SCARA3: variants seen among roughly 807,000 people sequenced by gnomAD.
The protein encoded by SCARA3 is cellular stress response gene protein.
A neutral mutation model predicts 47.0 loss-of-function variants in SCARA3; 39 were observed. The observed-to-expected ratio is 0.83, with a 90% CI of 0.64 to 1.08. The LOEUF (loss-of-function observed/expected upper bound fraction) is 1.08. Among genes scored for constraint, SCARA3 ranks in the 50% least tolerant of loss-of-function variants. The probability of loss-of-function intolerance (pLI) is 0.00; values close to 1 mark genes in which losing one functional copy is unlikely to be tolerated. For missense variants in SCARA3, 724 were observed against 792.3 expected (o/e 0.91, Z 1.04); for synonymous variants, 356 against 334.1 (o/e 1.07, Z -0.71).
At chr8:27,660,310 GAT>G (rs1801868034) in intron 5 of SCARA3, among the ~76,000 whole-genome samples, 1 of 151,890 alleles carries the variant, frequency 6.6e-6, no homozygotes, top group Admixed American at 6.6e-5. Context: ...TATATAGAGA[GAT>G]AGACCCAGAG....
At chr8:27,709,387 G>A in the SCARA3 span, among the ~76,000 whole-genome samples, 2 of 152,168 alleles carry the variant, frequency 1.3e-5, no homozygotes, top group Non-Finnish European at 2.9e-5. Context: ...GAAGGCCCTG[G>A]CCTTCTGCCC....
the SCARA3 span, among the ~76,000 whole-genome samples, chr8:27,709,421 T>A: frequency 2.6e-5 from 4 of 152,172 alleles, no homozygotes; most frequent in Non-Finnish European, 1.5e-5. Flanking sequence ...CTCCACACAC[T>A]CACCTGGGTT....
chr8:27,717,637 TAGTC>T, the SCARA3 span, among the ~76,000 whole-genome samples: 1 of 151,876 alleles, frequency 6.6e-6, no homozygotes, highest in Non-Finnish European at 1.5e-5. Flanking sequence ...ATACAAAAAT[TAGTC>T]AGGTGTGGTG....
At chr8:27,722,897 C>T in the SCARA3 span, among the ~76,000 whole-genome samples, 3 of 152,140 alleles carry the variant, frequency 2.0e-5, no homozygotes, top group Non-Finnish European at 4.4e-5. Context: ...GGCACCAGGT[C>T]CACTTGTCCC....
At chr8:27,687,440 A>G in the SCARA3 span, among the ~76,000 whole-genome samples, 1 of 152,202 alleles carries the variant, frequency 6.6e-6, no homozygotes, top group African/African-American at 2.4e-5. Context: ...AGAGGGAATG[A>G]TAAAAATAGA....
the SCARA3 span, among the ~76,000 whole-genome samples, chr8:27,688,569 G>C: frequency 6.6e-6 from 1 of 152,064 alleles, no homozygotes; most frequent in Admixed American, 6.5e-5. Context: ...GGTGGCACGT[G>C]CCTATAGTCC....
intron 1 of SCARA3, among the ~76,000 whole-genome samples, chr8:27,638,830 G>A (rs1563399209): frequency 1.3e-5 from 2 of 152,194 alleles, no homozygotes; most frequent in African/African-American, 2.4e-5. Flanking sequence ...AGTTCCCAGC[G>A]AGAGAGTTTG....
chr8:27,732,051 C>A, the SCARA3 span, among the ~76,000 whole-genome samples: 8 of 152,218 alleles, frequency 5.3e-5, no homozygotes, highest in African/African-American at 1.9e-4. Flanking sequence ...AAATGTTAGC[C>A]TTGTCTATGG....
chr8:27,673,534 GT>G (rs1291458084), downstream of SCARA3, among the ~76,000 whole-genome samples: 1 of 152,274 alleles, frequency 6.6e-6, no homozygotes. Context: ...TGTTTTTTGG[GT>G]TTTTTTGGAG....
At chr8:27,656,913 G>C in intron 4 of SCARA3, 33 bp downstream of exon 4, 1 of 1,378,420 alleles carries the variant, frequency 7.3e-7, no homozygotes, top group Non-Finnish European at 1.0e-6. Flanking sequence ...GTGATGCAGT[G>C]ATCTTCAGGG....
chr8:27,716,950 C>T, the SCARA3 span, among the ~76,000 whole-genome samples: 2 of 152,176 alleles, frequency 1.3e-5, no homozygotes, highest in African/African-American at 4.8e-5. Flanking sequence ...TGTAATTTCC[C>T]TGCCAAAGAA....
chr8:27,658,363 A>C lies in SCARA3; in HGVS notation c.326-133A>C, dbSNP rs1048123315. On this transcript the variant is annotated intron_variant, in intron 4 of 5. Coordinates refer to ENST00000301904, the MANE Select transcript of SCARA3 (RefSeq NM_016240.3). ...AGGCTTTTTCAAGAAGGAATTCATA[A>C]CAGGACTTCTGGAAGGAAGTTGGTT... is the stretch of plus-strand genomic sequence containing the variant. The C allele has an allele frequency of 6.4e-6, 5 of 776,304 alleles. No homozygotes were observed. The African/African-American group carries it at 7.0e-5, about 11-fold the overall frequency. 48.1% of individuals were successfully genotyped at this position (776,304 alleles called of 1,614,324 possible). A position where few individuals can be genotyped will look rare whatever the true frequency, so the allele number is the denominator to read the frequency against.
rs753158617 is a variant in SCARA3 at position 27,671,741 on chromosome 8, CAT to C, written c.*395_*396del. ...ATACACATGCACACACACATGCACA[CAT>C]ATATGCACAGGCACACACATGTACG... On this transcript the variant is annotated 3_prime_UTR_variant, in exon 6 of 6. Transcript: ENST00000301904. 385 of 1,023,682 alleles carry C rather than the reference CAT, an allele frequency of 3.8e-4. No individual in the cohort carries two copies. The highest frequency in any genetic ancestry group is 1.5e-3 in the South Asian group (32 of 21,696). The allele number at this position is 1,023,682 out of a possible 1,614,324, so 63.4% of individuals were successfully genotyped here. A position where few individuals can be genotyped will look rare whatever the true frequency, so the allele number is the denominator to read the frequency against.
At chr8:27,706,450 T>A in the SCARA3 span, among the ~76,000 whole-genome samples, 1 of 152,060 alleles carries the variant, frequency 6.6e-6, no homozygotes, top group Non-Finnish European at 1.5e-5. Context: ...ACCATGCCCG[T>A]CCTCATGCTT....
the SCARA3 span, among the ~76,000 whole-genome samples, chr8:27,725,548 A>G: frequency 6.6e-6 from 1 of 150,760 alleles, no homozygotes; most frequent in East Asian, 1.9e-4. Context: ...AAAAACCAGA[A>G]TAATCTAATC....
the SCARA3 span, among the ~76,000 whole-genome samples, chr8:27,691,878 A>G: frequency 6.6e-6 from 1 of 152,198 alleles, no homozygotes; most frequent in Admixed American, 6.5e-5. Flanking sequence ...CCTAAGATCC[A>G]GCAATTCCAA....
At chr8:27,643,272 C>T (rs1164445680) in intron 1 of SCARA3, among the ~76,000 whole-genome samples, 3 of 152,130 alleles carry the variant, frequency 2.0e-5, no homozygotes, top group Admixed American at 6.5e-5. Context: ...TTACCAAGAA[C>T]AGGGTGGGAG....
At chr8:27,717,156 T>G in the SCARA3 span, among the ~76,000 whole-genome samples, 1 of 152,206 alleles carries the variant, frequency 6.6e-6, no homozygotes, top group Non-Finnish European at 1.5e-5. Context: ...GACTGGGTAC[T>G]TTGCTATAAT....
At chr8:27,684,333 TA>T in the SCARA3 span, among the ~76,000 whole-genome samples, 2 of 152,020 alleles carry the variant, frequency 1.3e-5, no homozygotes, top group Admixed American at 1.3e-4. Flanking sequence ...TGAAAATAAG[TA>T]GAGGAATGTG....
Sources: allele counts gnomAD v4.1 joint callset (sites outside exome capture counted in the v4.1 genomes callset), GRCh38; gene constraint gnomAD v4.1.1; transcripts MANE v1.5; gene names NCBI Gene and HGNC (gene_info 2026-07-23, HGNC 2026-07-21).